Variants in EBF1 observed in about 807,000 individuals in gnomAD.
The protein encoded by EBF1 is transcription factor COE1.
A neutral mutation model predicts 68.4 loss-of-function variants in EBF1; 10 were observed. That is an observed-to-expected ratio of 0.15 (90% CI 0.09 to 0.25). EBF1 has a LOEUF of 0.25. Among genes scored for constraint, EBF1 ranks in the 10% least tolerant of loss-of-function variants. The pLI is 1.00. For synonymous variants in EBF1, 298 were observed against 299.8 expected (o/e 0.99, Z 0.06); for missense variants, 509 against 794.4 (o/e 0.64, Z 4.32).
chr5:158,894,610 C>T (rs185400568), intron 6 of EBF1, among the ~76,000 whole-genome samples: 167 of 152,244 alleles, frequency 1.1e-3, no homozygotes, highest in Non-Finnish European at 2.0e-3. Flanking sequence ...ATCACCTCCT[C>T]GTTGTTTTAC....
intron 6 of EBF1, chr5:158,983,883 C>T (rs1259564095): frequency 2.2e-5 from 3 of 133,642 alleles, no homozygotes; most frequent in African/African-American, 8.1e-5. Context: ...AGATTCTCAT[C>T]CTGCAACTGT....
At chr5:158,876,706 G>T (rs576659330) in intron 6 of EBF1, among the ~76,000 whole-genome samples, 1 of 152,318 alleles carries the variant, frequency 6.6e-6, no homozygotes, top group South Asian at 2.1e-4. Context: ...AATACCTTTA[G>T]AATTTGTAAA....
chr5:159,028,267 A>G (rs1457077153), intron 6 of EBF1, among the ~76,000 whole-genome samples: 3 of 152,200 alleles, frequency 2.0e-5, no homozygotes, highest in African/African-American at 7.2e-5. Context: ...GAGAGAGGAT[A>G]TTCCCTCATT....
chr5:159,071,497 A>T (rs2127937424), intron 6 of EBF1, among the ~76,000 whole-genome samples: 1 of 152,342 alleles, frequency 6.6e-6, no homozygotes, highest in Admixed American at 6.5e-5. Context: ...CCCTTCTGGG[A>T]CAGATGCAAA....
chr5:158,937,418 A>C (rs1171331900), intron 6 of EBF1, among the ~76,000 whole-genome samples: 1 of 152,188 alleles, frequency 6.6e-6, no homozygotes, highest in African/African-American at 2.4e-5. Flanking sequence ...GAACAGCAGC[A>C]GGAGCTACTT....
chr5:159,034,447 A>T (rs1322180872), intron 6 of EBF1, among the ~76,000 whole-genome samples: 1 of 152,170 alleles, frequency 6.6e-6, no homozygotes, highest in Non-Finnish European at 1.5e-5. Context: ...AAAGGCAGTG[A>T]GCAATTATGG....
chr5:159,039,470 T>C (rs984467050), intron 6 of EBF1, among the ~76,000 whole-genome samples: 59 of 152,228 alleles, frequency 3.9e-4, no homozygotes, highest in African/African-American at 1.3e-3. Context: ...TGCATTACAT[T>C]TCCCTACAAA....
intron 7 of EBF1, among the ~76,000 whole-genome samples, chr5:158,839,302 G>A (rs1383660783): frequency 6.6e-6 from 1 of 152,210 alleles, no homozygotes. Flanking sequence ...GCAGAGAGAA[G>A]CAAAGGAAGA....
At chr5:159,082,823 C>A (rs779195474) in intron 5 of EBF1, among the ~76,000 whole-genome samples, 24 of 152,320 alleles carry the variant, frequency 1.6e-4, no homozygotes, top group Non-Finnish European at 2.6e-4. Flanking sequence ...CAAACATCAT[C>A]ATTTGCCTTC....
At chr5:158,944,272 T>C (rs934525809) in intron 6 of EBF1, among the ~76,000 whole-genome samples, 1 of 152,074 alleles carries the variant, frequency 6.6e-6, no homozygotes. Context: ...CCTGTGCCCA[T>C]ATATTCTCAT....
chr5:158,697,222 A>G lies in EBF1; in HGVS notation c.*1889T>C. The G allele has an allele frequency of 5.2e-6, 1 of 191,730 alleles. No homozygotes were observed. Among genetic ancestry groups the G allele is most frequent in the East Asian group, 8.2e-5 (1 of 12,174 alleles). The allele number at this position is 191,730 out of a possible 1,614,324, so 11.9% of individuals were successfully genotyped here. On this transcript the variant is annotated 3_prime_UTR_variant, in exon 16 of 16. Coordinates refer to ENST00000313708, the MANE Select transcript of EBF1 (RefSeq NM_024007.5). ...TGTAAGCTTCCAAAGCAAAGGATACATTTTTTTTTAAATCTACTGAACTAA... is the reference window on the plus strand; with the variant it reads ...TGTAAGCTTCCAAAGCAAAGGATACGTTTTTTTTTAAATCTACTGAACTAA...
chr5:158,948,324 G>T (rs1353695721), intron 6 of EBF1, among the ~76,000 whole-genome samples: 1 of 151,836 alleles, frequency 6.6e-6, no homozygotes, highest in South Asian at 2.1e-4. Flanking sequence ...GTTTACTACA[G>T]GATATAAATA....
chr5:158,762,788 G>A (rs1771772017), intron 10 of EBF1, among the ~76,000 whole-genome samples: 1 of 152,166 alleles, frequency 6.6e-6, no homozygotes, highest in African/African-American at 2.4e-5. Context: ...GCCTGCCTCG[G>A]CCTCCCAAAG....
Position 158,904,330 on chromosome 5 carries a change from C to T in EBF1, c.555-64220G>A, listed in dbSNP as rs549596065. Among the ~76,000 whole-genome samples the T allele has an allele frequency of 1.2e-3, 187 of 152,338 alleles. 1 individual carries two copies. Among genetic ancestry groups the T allele is most frequent in the African/African-American group, 4.3e-3 (177 of 41,584 alleles). On this transcript the variant is annotated intron_variant, in intron 6 of 15. Transcript: ENST00000313708. ...TCCCAGCAGACAGCAAGTTCCCAGCCACGTGTGCTGCCACCTTTGCCTCTG... is the reference window on the plus strand; with the variant it reads ...TCCCAGCAGACAGCAAGTTCCCAGCTACGTGTGCTGCCACCTTTGCCTCTG...
intron 6 of EBF1, among the ~76,000 whole-genome samples, chr5:158,939,467 A>C (rs917819802): frequency 6.6e-6 from 1 of 152,216 alleles, no homozygotes; most frequent in African/African-American, 2.4e-5. Context: ...TCAGCAGACC[A>C]GAATAAGCAA....
At chr5:158,740,169 T>C (rs1411542861) in intron 10 of EBF1, among the ~76,000 whole-genome samples, 3 of 152,160 alleles carry the variant, frequency 2.0e-5, no homozygotes, top group Admixed American at 1.3e-4. Context: ...AACAACACAA[T>C]TGCTAAACAA....
chr5:159,060,353 A>G (rs1775557346), intron 6 of EBF1, among the ~76,000 whole-genome samples: 2 of 152,236 alleles, frequency 1.3e-5, no homozygotes, highest in Non-Finnish European at 2.9e-5. Context: ...TATTCTTATT[A>G]GTAATGCAAA....
intron 6 of EBF1, among the ~76,000 whole-genome samples, chr5:158,967,570 T>A (rs1006937692): frequency 6.6e-6 from 1 of 152,158 alleles, no homozygotes; most frequent in Admixed American, 6.5e-5. Context: ...GGCAGAGAGT[T>A]ATGTAGTTGC....
intron 6 of EBF1, among the ~76,000 whole-genome samples, chr5:158,936,573 G>A (rs6888717): frequency 0.86 from 130,494 of 152,236 alleles, 56,243 homozygotes; most frequent in East Asian, 0.96. Flanking sequence ...CAGATAAATC[G>A]GTGTCCCTTC....
Sources: gnomAD v4.1 joint callset for allele counts (sites outside exome capture counted in the v4.1 genomes callset) on GRCh38, gnomAD v4.1.1 for gene constraint, MANE v1.5 for transcripts, NCBI Gene and HGNC (gene_info 2026-07-23, HGNC 2026-07-21) for gene names.